LRP5: variants seen among roughly 807,000 people sequenced by gnomAD.
The protein encoded by LRP5 is LDL receptor related protein 5.
LRP5 carries 62 observed loss-of-function variants against 154.1 expected under a neutral mutation model. The ratio of observed to expected loss-of-function variants is 0.40; its 90% CI spans 0.33 to 0.50. The LOEUF is 0.50. Among genes scored for constraint, LRP5 ranks in the 20% least tolerant of loss-of-function variants. LRP5 has a pLI of 0.55. For missense variants in LRP5, 1,915 were observed against 2,336.7 expected, an observed-to-expected ratio of 0.82 and a Z score of 3.72; for synonymous variants, 966 against 1,011.5, an observed-to-expected ratio of 0.96 and a Z score of 0.85.
rs866303847 is a variant in LRP5, at chr11:68,445,581, A to G, written c.4489-855A>G. On this transcript the variant is annotated intron_variant, in intron 21 of 22. Transcript: ENST00000294304. Reference sequence around the variant, plus strand: ...TTCCCATTATTCCGCAGGGGCTCGGATCTGGCTGTATGCTTTCCAGGATGG... The same window carrying G: ...TTCCCATTATTCCGCAGGGGCTCGGGTCTGGCTGTATGCTTTCCAGGATGG... The G allele has an allele frequency of 1.2e-5, 16 of 1,315,602 alleles. 1 individual carries two copies. In the Middle Eastern group the frequency reaches 3.3e-3, roughly 271 times the overall value. The allele number at this position is 1,315,602 out of a possible 1,614,324, so 81.5% of individuals were successfully genotyped here. A position where few individuals can be genotyped will look rare whatever the true frequency, so the allele number is the denominator to read the frequency against.
At position 68,423,841 on chromosome 11, in the gene LRP5, C is replaced by T. The variant is rs1340792143; in HGVS notation, c.3236+144C>T. On this transcript the variant is annotated intron_variant, in intron 14 of 22. Coordinates refer to ENST00000294304, the MANE Select transcript of LRP5 (RefSeq NM_002335.4). The surrounding 1 kb of genome is among the most constrained non-coding windows in gnomAD (Gnocchi z 4.7). ...GGCTTTCCAGGGTCCCAAAAGCAAA[C>T]ACAGGCTCTTTCACAGCCCCTCCAG... 4 of 738,302 alleles carry T rather than the reference C, an allele frequency of 5.4e-6. No homozygotes were observed. The highest frequency in any genetic ancestry group is 5.4e-5 in the South Asian group (3 of 55,946). The allele number at this position is 738,302 out of a possible 1,614,324, so 45.7% of individuals were successfully genotyped here. A position where few individuals can be genotyped will look rare whatever the true frequency, so the allele number is the denominator to read the frequency against.
intron 1 of LRP5, among the ~76,000 whole-genome samples, chr11:68,338,370 C>A (rs528401155): frequency 5.1e-4 from 77 of 152,304 alleles, no homozygotes; most frequent in African/African-American, 1.7e-3. Flanking sequence ...GCCCAGACAT[C>A]TGTTATGAAT....
chr11:68,411,061 G>A (rs2098659132), intron 10 of LRP5, among the ~76,000 whole-genome samples: 1 of 152,152 alleles, frequency 6.6e-6, no homozygotes, highest in Non-Finnish European at 1.5e-5. Context: ...CCTGCCCTGA[G>A]GTCTTGTTTT....
chr11:68,391,120 C>T (rs1252694067), intron 7 of LRP5, among the ~76,000 whole-genome samples: 2 of 152,202 alleles, frequency 1.3e-5, no homozygotes, highest in African/African-American at 2.4e-5. Flanking sequence ...AAGTGCCCGC[C>T]ACCACGCCTG....
chr11:68,445,603 A>G (rs1275484137), intron 21 of LRP5: 1 of 1,317,296 alleles, frequency 7.6e-7, no homozygotes, highest in Admixed American at 2.3e-5. Context: ...GCTTTCCAGG[A>G]TGGCCTTGGA....
chr11:68,379,175 C>T (rs1264904665), intron 5 of LRP5, among the ~76,000 whole-genome samples: 1 of 152,226 alleles, frequency 6.6e-6, no homozygotes, highest in Admixed American at 6.5e-5. Flanking sequence ...ACATCATTCA[C>T]TCTTCTCCAG....
At chr11:68,299,627 G>C in the LRP5 span, among the ~76,000 whole-genome samples, 1 of 148,034 alleles carries the variant, frequency 6.8e-6, no homozygotes, top group African/African-American at 2.5e-5. Flanking sequence ...TTGTTGCCCA[G>C]GCTGGAGTAC....
intron 1 of LRP5, among the ~76,000 whole-genome samples, chr11:68,327,602 TG>T (rs1433031111): frequency 6.6e-6 from 1 of 152,196 alleles, no homozygotes; most frequent in African/African-American, 2.4e-5. Flanking sequence ...GGTCCCCTTG[TG>T]CCCAGTCTCC....
At chr11:68,380,037 G>A (rs2098639441) in intron 5 of LRP5, among the ~76,000 whole-genome samples, 1 of 152,256 alleles carries the variant, frequency 6.6e-6, no homozygotes, top group Admixed American at 6.5e-5. Context: ...GGAGGCTGAG[G>A]CAGGAGAATG....
chr11:68,438,597 C>G lies in LRP5; in HGVS notation c.4263C>G (p.Pro1421=). Residue 1421 remains proline, a synonymous_variant, in exon 20 of 23, where the codon CCC becomes CCG. Transcript: ENST00000294304. ...AGCGCTATGCGGGGGCCAACGGGCC[C>G]TTCCCGCACGAGTATGTCAGCGGGA... The part of the protein sequence containing the change: ...VCQRYAGANG[P]FPHEYVSGTP... 1.2e-6 allele frequency: 2 copies of G among 1,614,010 alleles called. No homozygotes were observed. Among genetic ancestry groups the G allele is most frequent in the Non-Finnish European group, 1.7e-6 (2 of 1,179,990 alleles).
At chr11:68,431,522 G>T (rs2098671903) in intron 17 of LRP5, among the ~76,000 whole-genome samples, 1 of 152,076 alleles carries the variant, frequency 6.6e-6, no homozygotes, top group African/African-American at 2.4e-5. Context: ...TTACAGGCGT[G>T]AGCCACCACA....
At position 68,330,468 on chromosome 11, in the gene LRP5, A is replaced by G. The variant is rs1167697434; in HGVS notation, c.92-17379A>G. On this transcript the variant is annotated intron_variant, in intron 1 of 22. Coordinates refer to ENST00000294304, the MANE Select transcript of LRP5 (RefSeq NM_002335.4). The stretch of plus-strand genomic sequence containing the variant: ...TGCTTCTGGTAACTGGCTCCGGTGC[A>G]TGGATGTTCCCTCCTCTTGCTGGAA... Among the ~76,000 whole-genome samples the G allele has an allele frequency of 2.6e-5, 4 of 152,308 alleles. No individual in the cohort carries two copies. The South Asian group carries it at 6.2e-4, about 24-fold the overall frequency.
intron 6 of LRP5, among the ~76,000 whole-genome samples, chr11:68,387,218 G>A (rs532229949): frequency 6.6e-6 from 1 of 151,898 alleles, no homozygotes; most frequent in Admixed American, 6.6e-5. Context: ...GGGCTCAAGT[G>A]ATTCTCCTGC....
rs1309853369 is a variant in LRP5, at chr11:68,403,593, C to T, written c.1695C>T (p.Arg565=). 5.0e-6 allele frequency: 8 copies of T among 1,614,076 alleles called. No individual in the cohort carries two copies. The African/African-American group carries it at 1.1e-4, about 22-fold the overall frequency. The change falls in exon 8 of 23, where the codon CGC becomes CGT. Residue 565 remains arginine (R), a synonymous_variant. Coordinates refer to ENST00000294304, the MANE Select transcript of LRP5 (RefSeq NM_002335.4). ...TCATCTACTGGACTGACTGGCAGCG[C>T]CGCAGCATCGAGCGGGTGCACAAGG... ...GDFIYWTDWQ[R]RSIERVHKVK...
intron 2 of LRP5, among the ~76,000 whole-genome samples, chr11:68,348,891 C>G (rs986510881): frequency 6.6e-6 from 1 of 151,758 alleles, no homozygotes; most frequent in Non-Finnish European, 1.5e-5. Flanking sequence ...CTGCAGTGAG[C>G]TGTGATCCCA....
At chr11:68,380,357 T>C (rs1274954773) in intron 5 of LRP5, among the ~76,000 whole-genome samples, 2 of 152,218 alleles carry the variant, frequency 1.3e-5, no homozygotes, top group African/African-American at 4.8e-5. Flanking sequence ...CTGTGTTGAC[T>C]GAGGCAGGCT....
intron 12 of LRP5, among the ~76,000 whole-genome samples, chr11:68,415,192 G>A (rs1374237151): frequency 1.3e-5 from 2 of 152,188 alleles, no homozygotes; most frequent in African/African-American, 4.8e-5. Context: ...TGGTTCTTCG[G>A]ATCCTGGTAC....
intron 13 of LRP5, among the ~76,000 whole-genome samples, chr11:68,422,010 C>A (rs2098666092): frequency 6.6e-6 from 1 of 152,120 alleles, no homozygotes; most frequent in African/African-American, 2.4e-5. Context: ...TCACTGCAGC[C>A]TCGGCCTCCC....
At position 68,413,666 on chromosome 11, in the gene LRP5, C is replaced by T. The variant is rs368217456; in HGVS notation, c.2504-23C>T. 46 of 1,606,152 alleles carry T rather than the reference C, an allele frequency of 2.9e-5. No homozygotes were observed. In the African/African-American group the frequency reaches 5.1e-4, roughly 18 times the overall value. On this transcript the variant is annotated intron_variant, in intron 11 of 22. Coordinates refer to ENST00000294304, the MANE Select transcript of LRP5 (RefSeq NM_002335.4). The surrounding 1 kb of genome is among the most constrained non-coding windows in gnomAD (Gnocchi z 5.1). ...GGCCTGGCTGTGCCTTTGCTGACAC[C>T]GTGCCCGTGTGTGTTCATGCAGGTC...
Sources: allele counts gnomAD v4.1 joint callset (sites outside exome capture counted in the v4.1 genomes callset), GRCh38; gene constraint gnomAD v4.1.1; non-coding constraint Gnocchi (gnomAD v3.1); transcripts MANE v1.5; gene names NCBI Gene and HGNC (gene_info 2026-07-23, HGNC 2026-07-21).